The following TRIM36 variants were observed in gnomAD, a reference collection of about 807,000 sequenced individuals.
The protein encoded by TRIM36 is E3 ubiquitin-protein ligase TRIM36.
TRIM36 carries 42 observed loss-of-function variants against 72.4 expected under a neutral mutation model. The ratio of observed to expected loss-of-function variants is 0.58; its 90% CI spans 0.45 to 0.75. TRIM36 has a LOEUF of 0.75. TRIM36 is among the 30% of genes least tolerant of loss of function. The pLI, the probability that TRIM36 is intolerant of heterozygous loss-of-function variation, is 0.00. For synonymous variants in TRIM36, 315 were observed against 282.8 expected (o/e 1.11, Z -1.14); for missense variants, 913 against 857.1 (o/e 1.07, Z -0.81).
rs1454575589 is a variant in TRIM36 at position 115,169,906 on chromosome 5, T to C, written c.-272A>G. ...GGCTGCAGCAGCGGCTCCTGCGGACTGCGGCTGGGAACGGCGCCGCGCAGA... is the reference window on the plus strand; with the variant it reads ...GGCTGCAGCAGCGGCTCCTGCGGACCGCGGCTGGGAACGGCGCCGCGCAGA... On this transcript the variant is annotated 5_prime_UTR_variant, in exon 1 of 10. Transcript: ENST00000513154. 7.8e-7 allele frequency: 1 copy of C among 1,287,718 alleles called. No homozygotes were observed. Among genetic ancestry groups the C allele is most frequent in the Non-Finnish European group, 9.8e-7 (1 of 1,016,316 alleles). 79.8% of individuals were successfully genotyped at this position (1,287,718 alleles called of 1,614,324 possible). A position where few individuals can be genotyped will look rare whatever the true frequency, so the allele number is the denominator to read the frequency against.
At chr5:115,180,002 G>A (rs764925716) in exon 1 of TRIM36, 1 of 1,614,114 alleles carries the variant, frequency 6.2e-7, no homozygotes, top group South Asian at 1.1e-5. Flanking sequence ...ATTCCATGAT[G>A]TAGCCAAATT....
chr5:115,139,701 A>T (rs1429431271), intron 5 of TRIM36, among the ~76,000 whole-genome samples: 1 of 152,224 alleles, frequency 6.6e-6, no homozygotes, highest in African/African-American at 2.4e-5. Context: ...CATCATCACT[A>T]AGTAAATGTC....
At chr5:115,133,411 T>A (rs1752795150) in intron 8 of TRIM36, among the ~76,000 whole-genome samples, 1 of 152,138 alleles carries the variant, frequency 6.6e-6, no homozygotes, top group Non-Finnish European at 1.5e-5. Flanking sequence ...ATCTGAGAAG[T>A]GCCTAGTTAG....
chr5:115,144,937 G>A (rs745564318), intron 3 of TRIM36, among the ~76,000 whole-genome samples, 193 bp from the exon 4 acceptor site: 1 of 151,968 alleles, frequency 6.6e-6, no homozygotes, highest in Non-Finnish European at 1.5e-5. Flanking sequence ...TCAATTTGAG[G>A]GTTCAAATGA....
At chr5:115,151,460 G>A (rs1005721348) in intron 2 of TRIM36, among the ~76,000 whole-genome samples, 4 of 152,166 alleles carry the variant, frequency 2.6e-5, no homozygotes, top group Admixed American at 2.6e-4. Flanking sequence ...GGTAACTGAA[G>A]ACAAAGGGCA....
chr5:115,127,510 G>A (rs748607038), intron 9 of TRIM36, among the ~76,000 whole-genome samples: 15 of 152,328 alleles, frequency 9.8e-5, no homozygotes, highest in Admixed American at 2.6e-4. Context: ...GCAGTGGACC[G>A]AGATAGCACC....
At position 115,144,741 on chromosome 5, in the gene TRIM36, A is replaced by C. The variant is rs950199561; in HGVS notation, c.592T>G (p.Leu198Val). The C allele has an allele frequency of 1.2e-6, 2 of 1,611,698 alleles. No homozygotes were observed. The highest frequency in any genetic ancestry group is 4.5e-5 in the East Asian group (2 of 44,804). ...GPTTNFRPKILMCPEHETERI... is the reference protein window; with the variant it reads ...GPTTNFRPKIVMCPEHETERI... ...TCTGTTTCATGTTCTGGGCACATTA[A>C]AATCTATTGAGTAAAGAATAAAAGT... is the stretch of plus-strand genomic sequence containing the variant. The change falls in exon 4 of 10, where the codon TTA (leucine) becomes GTA (valine). Residue 198 changes from leucine to valine, a missense_variant. By Grantham distance (32) the Leu-to-Val change is conservative. Coordinates refer to ENST00000513154, the MANE Select transcript of TRIM36 (RefSeq NM_001300759.2).
intron 5 of TRIM36, among the ~76,000 whole-genome samples, chr5:115,140,161 G>C (rs887569324): frequency 1.3e-5 from 2 of 152,162 alleles, no homozygotes. Context: ...GCTGGTAGTG[G>C]TGTTAATTTT....
chr5:115,178,562 C>T (rs917023788), intron 1 of TRIM36, among the ~76,000 whole-genome samples: 1 of 152,074 alleles, frequency 6.6e-6, no homozygotes, highest in East Asian at 1.9e-4. Flanking sequence ...ACCCTAGGCC[C>T]GAAGGGTGGT....
chr5:115,146,181 C>T (rs1171552749), intron 3 of TRIM36, among the ~76,000 whole-genome samples: 1 of 152,178 alleles, frequency 6.6e-6, no homozygotes, highest in Non-Finnish European at 1.5e-5. Flanking sequence ...CAGACTGACA[C>T]AGTTTGAGAA....
intron 6 of TRIM36, 118 bp downstream of exon 6, chr5:115,137,245 C>T (rs1753010443): frequency 6.8e-7 from 1 of 1,468,080 alleles, no homozygotes; most frequent in Non-Finnish European, 9.1e-7. Context: ...AAGAATGAGG[C>T]AAGATGTACC....
At chr5:115,159,984 T>C (rs1168759852) in intron 2 of TRIM36, among the ~76,000 whole-genome samples, 1 of 151,980 alleles carries the variant, frequency 6.6e-6, no homozygotes, top group Non-Finnish European at 1.5e-5. Flanking sequence ...CAAACATCTT[T>C]TGTTTGACTT....
At chr5:115,132,749 G>C (rs1752759713) in intron 8 of TRIM36, among the ~76,000 whole-genome samples, 1 of 151,996 alleles carries the variant, frequency 6.6e-6, no homozygotes, top group South Asian at 2.1e-4. Flanking sequence ...GAAGACAACT[G>C]TTAACACTTC....
chr5:115,130,619 C>T lies in TRIM36; in HGVS notation c.1769G>A (p.Arg590His), dbSNP rs543104439. The T allele has an allele frequency of 1.7e-5, 28 of 1,614,106 alleles. No individual in the cohort carries two copies. The highest frequency in any genetic ancestry group is 1.6e-4 in the South Asian group (15 of 91,078). Residue 590 changes from arginine to histidine, a missense_variant, in exon 9 of 10, where the codon CGT becomes CAT. Coordinates refer to ENST00000513154, the MANE Select transcript of TRIM36 (RefSeq NM_001300759.2). ...ASSDKLQEWL[R>H]SPRDAVSPRY... The stretch of plus-strand genomic sequence containing the variant: ...TGGACTAACTGCATCCCGGGGAGAA[C>T]GGAGCCATTCTTGTAGTTTATCGCT...
chr5:115,146,045 A>C (rs1753577482), intron 3 of TRIM36, among the ~76,000 whole-genome samples: 1 of 152,184 alleles, frequency 6.6e-6, no homozygotes, highest in Non-Finnish European at 1.5e-5. Flanking sequence ...TCTCTTATCA[A>C]TCTTTTATTA....
In TRIM36 at chr5:115,169,783, C is replaced by A; in HGVS notation, c.-149G>T. On this transcript the variant is annotated 5_prime_UTR_variant, in exon 1 of 10. Transcript: ENST00000513154. ...GGTCAGCTGTACGTGGCCAGCGGAC[C>A]GACGCGGGGAGAAGTAAGCCGGGGC... 7.6e-7 allele frequency: 1 copy of A among 1,314,668 alleles called. No individual in the cohort carries two copies. The highest frequency in any genetic ancestry group is 9.8e-7 in the Non-Finnish European group (1 of 1,024,702). 81.4% of individuals were successfully genotyped at this position (1,314,668 alleles called of 1,614,324 possible). A position where few individuals can be genotyped will look rare whatever the true frequency, so the allele number is the denominator to read the frequency against.
At chr5:115,152,009 C>T (rs528970683) in intron 2 of TRIM36, among the ~76,000 whole-genome samples, 2 of 152,184 alleles carry the variant, frequency 1.3e-5, no homozygotes, top group South Asian at 4.2e-4. Flanking sequence ...CAGCAAGGGA[C>T]CCAAACAAGA....
At chr5:115,150,353 C>G (rs1006002436) in intron 2 of TRIM36, among the ~76,000 whole-genome samples, 1 of 152,162 alleles carries the variant, frequency 6.6e-6, no homozygotes, top group African/African-American at 2.4e-5. Flanking sequence ...TTAATATTCA[C>G]TTATTTGGTT....
At position 115,149,884 on chromosome 5, in the gene TRIM36, G is replaced by A. The variant is rs376672317; in HGVS notation, c.263-2490C>T. 4.6e-3 allele frequency among the ~76,000 whole-genome samples: 697 copies of A among 151,974 alleles called. 9 individuals carry two copies. Among genetic ancestry groups the A allele is most frequent in the African/African-American group, 0.016 (672 of 41,450 alleles). On this transcript the variant is annotated intron_variant, in intron 2 of 9. Coordinates refer to ENST00000513154, the MANE Select transcript of TRIM36 (RefSeq NM_001300759.2). ...CGCCATTCTCCTGCCTCAGCCTCCC[G>A]AGTAGCTGGGACTACAGGTGCCTGC...
Sources: allele counts gnomAD v4.1 joint callset (sites outside exome capture counted in the v4.1 genomes callset), GRCh38; gene constraint gnomAD v4.1.1; transcripts MANE v1.5; gene names NCBI Gene and HGNC (gene_info 2026-07-23, HGNC 2026-07-21).